Variants in CHD1L observed in about 807,000 individuals in gnomAD.
The protein encoded by CHD1L is ATP-dependent chromatin remodeler CHD1L.
A neutral mutation model predicts 115.9 loss-of-function variants in CHD1L; 118 were observed. The ratio of observed to expected loss-of-function variants is 1.02; its 90% confidence interval spans 0.88 to 1.19. The LOEUF is 1.19. Ranked by LOEUF, CHD1L falls within the 50% of genes most tolerant of loss-of-function variation. The pLI is 0.00. For missense variants in CHD1L, 1,179 were observed against 1,065.3 expected (o/e 1.11, Z -1.49); for synonymous variants, 411 against 387.1 (o/e 1.06, Z -0.72).
chr1:147,203,239 T>TA, the CHD1L span: 1 of 1,121,810 alleles, frequency 8.9e-7, no homozygotes, highest in African/African-American at 1.6e-5. Flanking sequence ...CTACTACAAA[T>TA]ACAGCCTTCA....
At chr1:147,203,143 T>G in the CHD1L span, 1 of 532,200 alleles carries the variant, frequency 1.9e-6, no homozygotes, top group Non-Finnish European at 3.3e-6. Flanking sequence ...AACAATATGT[T>G]TATTATAACA....
At chr1:147,295,402 CAT>C (rs1687172023) in intron 22 of CHD1L, 27 bp from the exon 23 acceptor site, 1 of 1,494,612 alleles carries the variant, frequency 6.7e-7, no homozygotes, top group Admixed American at 1.7e-5. Flanking sequence ...AAAGTGATGA[CAT>C]GTATCTTCCT....
At chr1:147,213,529 G>A in the CHD1L span, 3 of 1,428,836 alleles carry the variant, frequency 2.1e-6, no homozygotes, top group Non-Finnish European at 2.8e-6. Context: ...CTTGCATAGT[G>A]TTACACAAAG....
chr1:147,242,702 C>T lies in CHD1L; in HGVS notation c.-2C>T, dbSNP rs782474002. 5 of 1,259,942 alleles carry T rather than the reference C, an allele frequency of 4.0e-6. No homozygotes were observed. Among genetic ancestry groups the T allele is most frequent in the African/African-American group, 3.1e-5 (2 of 65,234 alleles). 78.0% of individuals were successfully genotyped at this position (1,259,942 alleles called of 1,614,324 possible). A position where few individuals can be genotyped will look rare whatever the true frequency, so the allele number is the denominator to read the frequency against. On this transcript the variant is annotated 5_prime_UTR_variant, in exon 1 of 23. Transcript: ENST00000369258. ...GCGCGGGGCGGGGCCTCTACCGGCC[C>T]GATGGAGCGCGCGGGCGCTACTAGC...
At position 147,275,387 on chromosome 1, in the gene CHD1L, C is replaced by G. The variant is rs1437131416; in HGVS notation, c.1304C>G (p.Thr435Ser). The G allele has an allele frequency of 1.9e-6, 3 of 1,614,100 alleles. No individual in the cohort carries two copies. The highest frequency in any genetic ancestry group is 2.5e-6 in the Non-Finnish European group (3 of 1,179,962). ...GVGMNLTAAD[T>S]VIFVDSDFNP... ...GGCATGAACTTAACAGCAGCAGATA[C>G]TGTGATTTTTGTTGACAGTGACTTT... Residue 435 changes from threonine to serine, a missense_variant, in exon 13 of 23, where the codon ACT becomes AGT. Transcript: ENST00000369258.
chr1:147,243,234 TA>T (rs1328515010), intron 1 of CHD1L, among the ~76,000 whole-genome samples: 19 of 152,112 alleles, frequency 1.2e-4, no homozygotes, highest in Non-Finnish European at 2.1e-4. Flanking sequence ...GTTGCTTCTG[TA>T]AAACGATCAA....
At chr1:147,204,228 C>A in the CHD1L span, 1 of 1,366,586 alleles carries the variant, frequency 7.3e-7, no homozygotes, top group African/African-American at 1.4e-5. Context: ...ATTTTTGCAT[C>A]TTTGACAGAT....
the CHD1L span, among the ~76,000 whole-genome samples, chr1:147,233,850 T>C: frequency 6.6e-6 from 1 of 151,708 alleles, no homozygotes; most frequent in South Asian, 2.1e-4. Flanking sequence ...TTAAATGGGT[T>C]AAGGGCGGTG....
At chr1:147,189,267 C>T in the CHD1L span, among the ~76,000 whole-genome samples, 1 of 128,556 alleles carries the variant, frequency 7.8e-6, no homozygotes, top group African/African-American at 3.3e-5. Flanking sequence ...AGTGAGACTC[C>T]GTCTAAAAAA....
the CHD1L span, chr1:147,178,074 G>GC: frequency 4.1e-3 from 5,081 of 1,252,272 alleles, 152 homozygotes; most frequent in African/African-American, 0.068. Flanking sequence ...TCCCAGTCGA[G>GC]CCGCGACCCT....
At chr1:147,233,594 G>T in the CHD1L span, among the ~76,000 whole-genome samples, 1 of 152,206 alleles carries the variant, frequency 6.6e-6, no homozygotes, top group African/African-American at 2.4e-5. Context: ...TCTGGGAGGT[G>T]CACCCAACAT....
upstream of CHD1L, among the ~76,000 whole-genome samples, chr1:147,241,411 C>T (rs587608359): frequency 2.6e-5 from 4 of 152,238 alleles, no homozygotes; most frequent in South Asian, 4.1e-4. Flanking sequence ...CACTCCTGCC[C>T]GCCACAGAAC....
At chr1:147,239,912 C>G (rs968337569), upstream of CHD1L, among the ~76,000 whole-genome samples, 7 of 152,244 alleles carry the variant, frequency 4.6e-5, no homozygotes, top group South Asian at 2.1e-4. Context: ...ACATGGAGAC[C>G]AAGATGCAAA....
chr1:147,288,347 G>GAAAAAAAAAAAAAAAGA (rs1304714956), intron 19 of CHD1L, among the ~76,000 whole-genome samples: 1 of 122,404 alleles, frequency 8.2e-6, no homozygotes, highest in African/African-American at 3.2e-5. Context: ...AAAAAAAAAA[G>GAAAAAAAAAAAAAAAGA]AAAAAGAGAA....
intron 21 of CHD1L, 72 bp downstream of exon 21, chr1:147,293,794 G>A (rs910555723): frequency 8.1e-5 from 102 of 1,255,354 alleles, no homozygotes; most frequent in Admixed American, 2.1e-4. Flanking sequence ...TTTGAAGGGA[G>A]GTAAGAAATG....
In CHD1L at chr1:147,293,696, T is replaced by C; in HGVS notation, c.2480T>C (p.Ile827Thr). Residue 827 changes from isoleucine to threonine, a missense_variant, in exon 21 of 23, where the codon ATA (isoleucine) becomes ACA (threonine). Transcript: ENST00000369258. ...MAALEEGLKKIFLAAKKKKAS... is the reference protein window; with the variant it reads ...MAALEEGLKKTFLAAKKKKAS... The stretch of plus-strand genomic sequence containing the variant: ...GCCCTAGAAGAGGGCCTGAAGAAGA[T>C]ATTTTTAGCAGCAAAAAAGAAGAAA... 2 of 1,614,040 alleles carry C rather than the reference T, an allele frequency of 1.2e-6. No individual in the cohort carries two copies. Among genetic ancestry groups the C allele is most frequent in the Admixed American group, 3.3e-5 (2 of 60,026 alleles).
At chr1:147,209,301 G>A in the CHD1L span, among the ~76,000 whole-genome samples, 7 of 152,052 alleles carry the variant, frequency 4.6e-5, no homozygotes, top group Admixed American at 1.3e-4. Flanking sequence ...AGCCAGGCGT[G>A]GTTGCAGGTG....
intron 8 of CHD1L, among the ~76,000 whole-genome samples, chr1:147,266,405 TCA>T (rs1347530135): frequency 5.9e-5 from 9 of 152,332 alleles, no homozygotes; most frequent in African/African-American, 1.9e-4. Flanking sequence ...CCACCCTCAT[TCA>T]CAGTTTTGCT....
intron 10 of CHD1L, among the ~76,000 whole-genome samples, chr1:147,270,697 A>T (rs1432018646): frequency 1.3e-5 from 2 of 152,166 alleles, no homozygotes; most frequent in Admixed American, 6.5e-5. Context: ...GTCTCCTGGG[A>T]ATAATCTCCA....
Sources: allele counts gnomAD v4.1 joint callset (sites outside exome capture counted in the v4.1 genomes callset), GRCh38; gene constraint gnomAD v4.1.1; transcripts MANE v1.5; gene names NCBI Gene and HGNC (gene_info 2026-07-23, HGNC 2026-07-21).